Variants in VASH2 observed in about 807,000 individuals in gnomAD.
VASH2 encodes tubulinyl-Tyr carboxypeptidase 2.
VASH2 carries 28 observed loss-of-function variants against 37.2 expected under a neutral mutation model. The ratio of observed to expected loss-of-function variants is 0.75; its 90% CI spans 0.56 to 1.03. The LOEUF (loss-of-function observed/expected upper bound fraction) is 1.03, where lower values mean the gene tolerates loss of function less well. Ranked by LOEUF, VASH2 falls within the 50% of genes least tolerant of loss-of-function variation. The pLI is 0.00. For synonymous variants in VASH2, 188 were observed against 174.7 expected (o/e 1.08, Z -0.60); for missense variants, 419 against 459.1 (o/e 0.91, Z 0.80).
intron 6 of VASH2, chr1:212,973,525 G>C: frequency 7.8e-7 from 1 of 1,290,046 alleles, no homozygotes; most frequent in Non-Finnish European, 1.0e-6. Context: ...ACCTGGAGTG[G>C]AGATTCCTGA....
Position 212,969,776 on chromosome 1 carries a change from C to T in VASH2, c.498-2804C>T, listed in dbSNP as rs973877292. 3.3e-5 allele frequency among the ~76,000 whole-genome samples: 5 copies of T among 152,200 alleles called. No homozygotes were observed. The East Asian group carries it at 5.8e-4, about 18-fold the overall frequency. ...AGTGAAGGATATGAATGGGTTCATC[C>T]GTCTGTGTCTCCCACAGGCCCTTCT... is the stretch of plus-strand genomic sequence containing the variant. On this transcript the variant is annotated intron_variant, in intron 5 of 7. Coordinates refer to ENST00000517399, the MANE Select transcript of VASH2 (RefSeq NM_001301056.2).
rs1666308367 is a variant in VASH2, at chr1:212,951,592, C to A, written c.50C>A (p.Ala17Asp). The change falls in exon 2 of 8, where the codon GCC (alanine) becomes GAC (aspartate). Residue 17 changes from alanine to aspartate, a missense_variant. Ala to Asp is a moderately radical substitution (Grantham distance 126). Around this residue, in one of 3 missense-constraint regions of VASH2, gnomAD observed 158 missense variants for 163.0 expected, o/e 0.97. Transcript: ENST00000517399. The surrounding 1 kb of genome is among the most constrained non-coding windows in gnomAD (Gnocchi z 4.4). ...CACCGCTGCCCCCACCCCAAAGGCGCCAAAGGCACCCGGTCCCGGAGCAGC... is the reference window on the plus strand; with the variant it reads ...CACCGCTGCCCCCACCCCAAAGGCGACAAAGGCACCCGGTCCCGGAGCAGC... Reference protein sequence around the residue: ...DTHRCPHPKGAKGTRSRSSHA... With the variant: ...DTHRCPHPKGDKGTRSRSSHA... 1.9e-6 allele frequency: 3 copies of A among 1,549,356 alleles called. No homozygotes were observed. Among genetic ancestry groups the A allele is most frequent in the Non-Finnish European group, 2.6e-6 (3 of 1,147,154 alleles).
In VASH2 at chr1:212,951,606, T is replaced by A; in HGVS notation, c.64T>A (p.Ser22Thr). The change falls in exon 2 of 8, where the codon TCC becomes ACC. Residue 22 changes from serine (S) to threonine (T), a missense_variant. Coordinates refer to ENST00000517399, the MANE Select transcript of VASH2 (RefSeq NM_001301056.2). This position sits in a 1 kb window ranked among gnomAD's most constrained non-coding sequence, Gnocchi z 4.4. ...CCCCAAAGGCGCCAAAGGCACCCGG[T>A]CCCGGAGCAGCCACGCGCGGCCCGT... Reference protein sequence around the residue: ...PHPKGAKGTRSRSSHARPVSL... With the variant: ...PHPKGAKGTRTRSSHARPVSL... 6.4e-7 allele frequency: 1 copy of A among 1,555,772 alleles called. No individual in the cohort carries two copies. Among genetic ancestry groups the A allele is most frequent in the South Asian group, 1.2e-5 (1 of 84,422 alleles).
intron 2 of VASH2, among the ~76,000 whole-genome samples, chr1:212,957,802 G>A (rs1308670890): frequency 2.6e-5 from 4 of 152,028 alleles, no homozygotes; most frequent in African/African-American, 9.7e-5. Context: ...GTTTCGCCCT[G>A]TTGGCCAGGC....
In VASH2 at chr1:212,966,160, G is replaced by A. The variant is rs115058884; in HGVS notation, c.423-111G>A. On this transcript the variant is annotated intron_variant, in intron 4 of 7. Coordinates refer to ENST00000517399, the MANE Select transcript of VASH2 (RefSeq NM_001301056.2). ...AAGGTGACTTCTCCCTTTTCCCTCC[G>A]TGCTCCTGTGTGGTTCCTGGTGTGG... is the stretch of plus-strand genomic sequence containing the variant. 0.027 allele frequency: 24,312 copies of A among 907,658 alleles called. 444 individuals are homozygous for A. The highest frequency in any genetic ancestry group is 0.06 in the South Asian group (3,942 of 65,654). 56.2% of individuals were successfully genotyped at this position (907,658 alleles called of 1,614,324 possible). A position where few individuals can be genotyped will look rare whatever the true frequency, so the allele number is the denominator to read the frequency against.
chr1:212,978,410 G>A (rs1325842163), intron 7 of VASH2, among the ~76,000 whole-genome samples: 4 of 152,184 alleles, frequency 2.6e-5, no homozygotes, highest in Admixed American at 1.3e-4. Context: ...TCGGTCACTC[G>A]AGGTCAGGAA....
rs140070220 is a variant in VASH2 at position 212,959,266 on chromosome 1, CTG to C, written c.277-1882_277-1881del. Among the ~76,000 whole-genome samples, 534 of 151,036 alleles carry C rather than the reference CTG, an allele frequency of 3.5e-3. 2 individuals are homozygous for C. Among genetic ancestry groups the C allele is most frequent in the African/African-American group, 0.011 (460 of 41,248 alleles). On this transcript the variant is annotated intron_variant, in intron 2 of 7. Transcript: ENST00000517399. The stretch of plus-strand genomic sequence containing the variant: ...AATACGCTTTACATTTTGACTTGCT[CTG>C]TGTGTGTGTGTGTGTGTCTCTGTGA...
chr1:212,951,946 T>C lies in VASH2; in HGVS notation c.276+128T>C. The C allele has an allele frequency of 8.9e-7, 1 of 1,121,264 alleles. No individual in the cohort carries two copies. Among genetic ancestry groups the C allele is most frequent in the Non-Finnish European group, 1.2e-6 (1 of 809,956 alleles). The allele number at this position is 1,121,264 out of a possible 1,614,324, so 69.5% of individuals were successfully genotyped here. ...AGTCCTGCTACAAACTCCCTTCCTC[T>C]CCCCATTCCTTCCTGCCAGCCCTTT... is the stretch of plus-strand genomic sequence containing the variant. On this transcript the variant is annotated intron_variant, in intron 2 of 7. Coordinates refer to ENST00000517399, the MANE Select transcript of VASH2 (RefSeq NM_001301056.2). This position sits in a 1 kb window ranked among gnomAD's most constrained non-coding sequence, Gnocchi z 4.4.
At position 212,973,868 on chromosome 1, in the gene VASH2, T is replaced by TG. The variant is rs1667094151; in HGVS notation, c.880-81dup. Reference sequence around the variant, plus strand: ...CTAAACCATGGCATCATGATTGGGCTGGGGGGTGGAATGTGGTGCTAGAAG... The same window carrying TG: ...CTAAACCATGGCATCATGATTGGGCTGGGGGGGTGGAATGTGGTGCTAGAAG... On this transcript the variant is annotated intron_variant, in intron 6 of 7. Coordinates refer to ENST00000517399, the MANE Select transcript of VASH2 (RefSeq NM_001301056.2). The TG allele has an allele frequency of 4.2e-5, 63 of 1,515,884 alleles. 1 individual carries two copies. In the Middle Eastern group the frequency reaches 1.3e-3, roughly 31 times the overall value. The allele number at this position is 1,515,884 out of a possible 1,614,324, so 93.9% of individuals were successfully genotyped here.
chr1:212,960,942 G>C (rs1321086972), intron 2 of VASH2, among the ~76,000 whole-genome samples: 1 of 152,204 alleles, frequency 6.6e-6, no homozygotes, highest in Non-Finnish European at 1.5e-5. Context: ...CCATGACTCA[G>C]AGGGAACTCA....
At chr1:212,987,244 A>G (rs1207652595) in intron 7 of VASH2, among the ~76,000 whole-genome samples, 1 of 150,034 alleles carries the variant, frequency 6.7e-6, no homozygotes, top group Admixed American at 6.6e-5. Flanking sequence ...TAACAATTAT[A>G]TTTTCTTTTT....
rs1224959112 is a variant in VASH2, at chr1:212,990,667, TAAAG to T, written c.*2086_*2089del. 9 of 152,332 alleles carry T rather than the reference TAAAG, an allele frequency of 5.9e-5. No homozygotes were observed. Among genetic ancestry groups the T allele is most frequent in the African/African-American group, 1.7e-4 (7 of 41,588 alleles). 9.4% of individuals were successfully genotyped at this position (152,332 alleles called of 1,614,324 possible). ...GAATACAAACTCTGTAATATGCTGATAAAGAAGCCTTAGAACTGCCAACTGGCTT... is the reference window on the plus strand; with the variant it reads ...GAATACAAACTCTGTAATATGCTGATAAGCCTTAGAACTGCCAACTGGCTT... On this transcript the variant is annotated 3_prime_UTR_variant, in exon 8 of 8. Coordinates refer to ENST00000517399, the MANE Select transcript of VASH2 (RefSeq NM_001301056.2).
intron 2 of VASH2, among the ~76,000 whole-genome samples, chr1:212,957,866 T>C (rs1195072370): frequency 6.6e-6 from 1 of 152,128 alleles, no homozygotes; most frequent in Non-Finnish European, 1.5e-5. Flanking sequence ...TCCCAAAGTG[T>C]TGGGACTACA....
chr1:212,964,971 C>T (rs931503816), intron 3 of VASH2, among the ~76,000 whole-genome samples: 3 of 149,712 alleles, frequency 2.0e-5, no homozygotes, highest in Admixed American at 6.7e-5. Flanking sequence ...CCCAGGCTGA[C>T]GTGCAGTGGT....
intron 2 of VASH2, among the ~76,000 whole-genome samples, chr1:212,954,567 C>T (rs543936444): frequency 4.7e-4 from 71 of 152,234 alleles, no homozygotes; most frequent in Admixed American, 1.8e-3. Context: ...ATTACAGGCA[C>T]ATGTCACCAT....
In VASH2 at chr1:212,965,891, A is replaced by G. The variant is rs1666826252; in HGVS notation, c.422+113A>G. On this transcript the variant is annotated intron_variant, in intron 4 of 7. Coordinates refer to ENST00000517399, the MANE Select transcript of VASH2 (RefSeq NM_001301056.2). Reference sequence around the variant, plus strand: ...CATGGCTCAGGTATCCTAGTCTGTAAGGGGTGGAGGCGGAGGGTGCCCCAG... The same window carrying G: ...CATGGCTCAGGTATCCTAGTCTGTAGGGGGTGGAGGCGGAGGGTGCCCCAG... The G allele has an allele frequency of 2.7e-6, 3 of 1,128,228 alleles. No individual in the cohort carries two copies. The Admixed American group carries it at 6.6e-5, about 25-fold the overall frequency. 69.9% of individuals were successfully genotyped at this position (1,128,228 alleles called of 1,614,324 possible).
intron 2 of VASH2, among the ~76,000 whole-genome samples, chr1:212,955,054 CTCTT>C (rs1201939028): frequency 6.6e-6 from 1 of 152,226 alleles, no homozygotes; most frequent in African/African-American, 2.4e-5. Context: ...GCATGGCAGA[CTCTT>C]TCCTCTGGGG....
intron 5 of VASH2, among the ~76,000 whole-genome samples, chr1:212,970,795 CG>C (rs1666987882): frequency 6.6e-6 from 1 of 151,702 alleles, no homozygotes. Context: ...GAGGCTGAGG[CG>C]GGAGAATCGC....
At chr1:212,955,055 T>A (rs1311681956) in intron 2 of VASH2, among the ~76,000 whole-genome samples, 1 of 152,212 alleles carries the variant, frequency 6.6e-6, no homozygotes, top group East Asian at 1.9e-4. Flanking sequence ...CATGGCAGAC[T>A]CTTTCCTCTG....
Sources: allele counts gnomAD v4.1 joint callset (sites outside exome capture counted in the v4.1 genomes callset), GRCh38; gene constraint gnomAD v4.1.1; regional missense constraint gnomAD v4.1.1; non-coding constraint Gnocchi (gnomAD v3.1); transcripts MANE v1.5; gene names NCBI Gene and HGNC (gene_info 2026-07-23, HGNC 2026-07-21).